Variants in POU6F2 observed in about 807,000 individuals in gnomAD.
POU6F2 encodes the protein POU class 6 homeobox 2.
In POU6F2, 31 loss-of-function variants were observed where a neutral mutation model predicts 71.3. That is an observed-to-expected ratio of 0.43 (90% CI 0.33 to 0.59). POU6F2 has a LOEUF of 0.59. Among genes scored for constraint, POU6F2 ranks in the 20% least tolerant of loss-of-function variants. The probability of loss-of-function intolerance (pLI) is 0.04; values close to 1 mark genes in which losing one functional copy is unlikely to be tolerated. For synonymous variants in POU6F2, 347 were observed against 355.7 expected (o/e 0.98, Z 0.27); for missense variants, 783 against 856.8 (o/e 0.91, Z 1.07).
chr7:39,289,202 C>G (rs565129606), intron 4 of POU6F2, among the ~76,000 whole-genome samples: 1 of 152,300 alleles, frequency 6.6e-6, no homozygotes. Context: ...ACAGGTCCTC[C>G]TGCCCCAGCA....
At chr7:38,981,680 T>C (rs186217283) in intron 1 of POU6F2, among the ~76,000 whole-genome samples, 372 of 152,266 alleles carry the variant, frequency 2.4e-3, no homozygotes, top group Admixed American at 8.0e-3. Context: ...GACCACACAT[T>C]CTATATTTTA....
chr7:39,293,272 T>G (rs555969140), intron 4 of POU6F2, among the ~76,000 whole-genome samples: 1 of 152,254 alleles, frequency 6.6e-6, no homozygotes, highest in African/African-American at 2.4e-5. Context: ...ACAAGCTGTT[T>G]ATGAGGTGTT....
chr7:39,018,189 G>A (rs1477143863), intron 1 of POU6F2, among the ~76,000 whole-genome samples: 1 of 152,170 alleles, frequency 6.6e-6, no homozygotes, highest in Non-Finnish European at 1.5e-5. Flanking sequence ...CTGTCTGCAG[G>A]CAGAGGTGAT....
At chr7:39,236,299 A>G (rs1794675326) in intron 4 of POU6F2, among the ~76,000 whole-genome samples, 1 of 152,152 alleles carries the variant, frequency 6.6e-6, no homozygotes, top group Non-Finnish European at 1.5e-5. Context: ...GAATATAACT[A>G]AGCGCCTCTA....
chr7:39,277,173 G>T (rs1784457813), intron 4 of POU6F2, among the ~76,000 whole-genome samples: 1 of 152,082 alleles, frequency 6.6e-6, no homozygotes, highest in Non-Finnish European at 1.5e-5. Flanking sequence ...GTAAATAAAG[G>T]TAGACAGGAA....
chr7:39,223,110 A>G (rs553573712), intron 4 of POU6F2, among the ~76,000 whole-genome samples: 1 of 152,132 alleles, frequency 6.6e-6, no homozygotes. Flanking sequence ...GTTTTGTTTT[A>G]TAGTAGCTAT....
At chr7:39,408,546 G>A (rs1268106463) in intron 6 of POU6F2, among the ~76,000 whole-genome samples, 1 of 152,184 alleles carries the variant, frequency 6.6e-6, no homozygotes, top group Admixed American at 6.5e-5. Context: ...AGATTGATTG[G>A]TACTGTGCAT....
Position 39,464,926 on chromosome 7 carries a change from C to G in POU6F2, c.*240C>G. On this transcript the variant is annotated 3_prime_UTR_variant, in exon 10 of 10. Coordinates refer to ENST00000518318, the MANE Select transcript of POU6F2 (RefSeq NM_001370959.1). This position sits in a 1 kb window ranked among gnomAD's most constrained non-coding sequence, Gnocchi z 4.1. ...GAAAATTTTTAAACAAGGAATACAC[C>G]ACACTGAAGGTGTGTGTGGTAGGAT... is the stretch of plus-strand genomic sequence containing the variant. 1 of 549,148 alleles carries G rather than the reference C, an allele frequency of 1.8e-6. No homozygotes were observed. The allele number at this position is 549,148 out of a possible 1,614,324, so 34.0% of individuals were successfully genotyped here.
At chr7:39,086,332 G>A (rs1355529433) in intron 2 of POU6F2, among the ~76,000 whole-genome samples, 1 of 152,104 alleles carries the variant, frequency 6.6e-6, no homozygotes, top group African/African-American at 2.4e-5. Context: ...TCAGGAAATC[G>A]GTTCCATTGT....
At chr7:39,083,466 C>T (rs1198330186) in intron 1 of POU6F2, 1 of 152,114 alleles carries the variant, frequency 6.6e-6, no homozygotes, top group African/African-American at 2.4e-5. Context: ...AGGAATGCCA[C>T]GAGGTCAACC....
At chr7:39,314,616 G>A (rs1388002589) in intron 4 of POU6F2, among the ~76,000 whole-genome samples, 1 of 152,170 alleles carries the variant, frequency 6.6e-6, no homozygotes, top group Non-Finnish European at 1.5e-5. Flanking sequence ...TCTGAGTCCA[G>A]TTGGCAAGTT....
At position 39,292,192 on chromosome 7, in the gene POU6F2, C is replaced by T. The variant is rs373424343; in HGVS notation, c.599-47450C>T. On this transcript the variant is annotated intron_variant, in intron 4 of 9. Coordinates refer to ENST00000518318, the MANE Select transcript of POU6F2 (RefSeq NM_001370959.1). ...ACCCTACACACCTTCCACCCGGCGC[C>T]GGGCTAGATGTGAAACCTATAAGAG... Among the ~76,000 whole-genome samples the T allele has an allele frequency of 3.3e-3, 500 of 152,318 alleles. 3 individuals are homozygous for T. The highest frequency in any genetic ancestry group is 0.011 in the African/African-American group (466 of 41,578).
At chr7:39,430,588 G>C (rs547836202) in intron 6 of POU6F2, among the ~76,000 whole-genome samples, 2 of 152,332 alleles carry the variant, frequency 1.3e-5, no homozygotes, top group African/African-American at 4.8e-5. Flanking sequence ...CCAGGAAGTA[G>C]GCAGAGTATT....
chr7:39,082,323 A>G (rs1223910952), intron 1 of POU6F2, among the ~76,000 whole-genome samples: 1 of 152,132 alleles, frequency 6.6e-6, no homozygotes, highest in African/African-American at 2.4e-5. Flanking sequence ...TCCATGGTGG[A>G]CTAGTCACTT....
chr7:39,339,299 A>C (rs1018965363), intron 4 of POU6F2, among the ~76,000 whole-genome samples: 3 of 152,232 alleles, frequency 2.0e-5, no homozygotes, highest in Non-Finnish European at 4.4e-5. Context: ...ATCTTGAAGC[A>C]TGAATGTATT....
At chr7:39,381,274 G>A (rs1177144211) in intron 5 of POU6F2, among the ~76,000 whole-genome samples, 1 of 152,076 alleles carries the variant, frequency 6.6e-6, no homozygotes, top group Non-Finnish European at 1.5e-5. Flanking sequence ...GTCTCACTCT[G>A]TTGCCCCAGC....
At chr7:39,034,372 C>T (rs1790011556) in intron 1 of POU6F2, 12 of 265,728 alleles carry the variant, frequency 4.5e-5, no homozygotes, top group South Asian at 4.1e-4. Context: ...TGTTTGCATG[C>T]AAGAGTAGGA....
chr7:38,990,466 C>G (rs532468993), intron 1 of POU6F2, among the ~76,000 whole-genome samples: 1 of 152,086 alleles, frequency 6.6e-6, no homozygotes, highest in Non-Finnish European at 1.5e-5. Context: ...GAGTGTAAGG[C>G]CAAATAGAGT....
intron 4 of POU6F2, among the ~76,000 whole-genome samples, chr7:39,210,080 C>T (rs1023020500): frequency 1.3e-5 from 2 of 152,148 alleles, no homozygotes; most frequent in East Asian, 3.9e-4. Flanking sequence ...CAGTATTTAT[C>T]AACCCAAGGC....
Sources: allele counts gnomAD v4.1 joint callset (sites outside exome capture counted in the v4.1 genomes callset), GRCh38; gene constraint gnomAD v4.1.1; non-coding constraint Gnocchi (gnomAD v3.1); transcripts MANE v1.5; gene names NCBI Gene and HGNC (gene_info 2026-07-23, HGNC 2026-07-21).